SHLD3: variants seen among roughly 807,000 people sequenced by gnomAD.
The protein encoded by SHLD3 is shieldin complex subunit 3, also known as REV7-interacting novel NHEJ regulator 1.
Under a neutral mutation model 21.4 loss-of-function variants are expected in SHLD3, and 15 were observed. That is an observed-to-expected ratio of 0.70 (90% CI 0.47 to 1.08). SHLD3 has a LOEUF of 1.08. SHLD3 is among the 50% of genes least tolerant of loss of function. SHLD3 has a pLI of 0.00. For synonymous variants in SHLD3, 103 were observed against 97.2 expected (o/e 1.06, Z -0.35); for missense variants, 273 against 286.1 (o/e 0.95, Z 0.33).
In SHLD3 at chr5:65,630,608, A is replaced by G. The variant is rs1005818546; in HGVS notation, c.*268A>G. 5 of 1,082,936 alleles carry G rather than the reference A, an allele frequency of 4.6e-6. No homozygotes were observed. In the African/African-American group the frequency reaches 6.6e-5, roughly 14 times the overall value. The allele number at this position is 1,082,936 out of a possible 1,614,324, so 67.1% of individuals were successfully genotyped here. A position where few individuals can be genotyped will look rare whatever the true frequency, so the allele number is the denominator to read the frequency against. On this transcript the variant is annotated 3_prime_UTR_variant, in exon 2 of 2. Coordinates refer to ENST00000510585, the MANE Select transcript of SHLD3 (RefSeq NM_001365341.2). ...GAATTAGTCATGAATTAAGTTGTAT[A>G]GTTTGGATTTTGGTTAATCTCTAAA... is the stretch of plus-strand genomic sequence containing the variant.
chr5:65,625,053 C>G lies in SHLD3; in HGVS notation c.-174C>G, dbSNP rs747080394. 13 of 1,613,114 alleles carry G rather than the reference C, an allele frequency of 8.1e-6. No homozygotes were observed. In the Admixed American group the frequency reaches 1.7e-4, roughly 21 times the overall value. The stretch of plus-strand genomic sequence containing the variant: ...CCCGTAGGCTGTGGGTCAAAAGTGC[C>G]GGTCAAAATGGAAGTGAATCCCCCT... On this transcript the variant is annotated 5_prime_UTR_variant, in exon 1 of 2. Transcript: ENST00000510585.
intron 1 of SHLD3, chr5:65,626,219 AAT>A (rs1755221576): frequency 6.6e-6 from 1 of 152,216 alleles, no homozygotes; most frequent in Admixed American, 6.5e-5. Flanking sequence ...ATGTGGAGTA[AAT>A]ATTAATTCTC....
intron 1 of SHLD3, chr5:65,625,415 T>C: frequency 2.7e-6 from 1 of 374,826 alleles, no homozygotes. Flanking sequence ...ACAGCGGGCA[T>C]CCAAAGTGCT....
intron 1 of SHLD3, among the ~76,000 whole-genome samples, chr5:65,628,335 G>A (rs930650373): frequency 2.6e-5 from 4 of 152,098 alleles, no homozygotes; most frequent in African/African-American, 9.7e-5. Flanking sequence ...CACAAAACTG[G>A]TTCTTAGCCT....
Position 65,629,876 on chromosome 5 carries a change from T to A in SHLD3, c.289T>A (p.Leu97Met), listed in dbSNP as rs1400023198. ...TVDLLEFQPSLKKQHLTWSHT... is the reference protein window; with the variant it reads ...TVDLLEFQPSMKKQHLTWSHT... ...AGATCTATTGGAGTTTCAACCTAGC[T>A]TGAAAAAGCAGCATTTAACCTGGTC... Residue 97 changes from leucine to methionine, a missense_variant, in exon 2 of 2, where the codon TTG becomes ATG. Coordinates refer to ENST00000510585, the MANE Select transcript of SHLD3 (RefSeq NM_001365341.2). 2.6e-6 allele frequency: 4 copies of A among 1,535,952 alleles called. No individual in the cohort carries two copies. In the African/African-American group the frequency reaches 5.5e-5, roughly 21 times the overall value.
chr5:65,625,116 T>G lies in SHLD3; in HGVS notation c.-121+10T>G. On this transcript the variant is annotated intron_variant, in intron 1 of 1. Coordinates refer to ENST00000510585, the MANE Select transcript of SHLD3 (RefSeq NM_001365341.2). Reference sequence around the variant, plus strand: ...CTGCTGGCGCTAAAAGGTAAACTTTTGCGAACCTGATTCCCCCTTTTCTGT... The same window carrying G: ...CTGCTGGCGCTAAAAGGTAAACTTTGGCGAACCTGATTCCCCCTTTTCTGT... 2.5e-6 allele frequency: 4 copies of G among 1,611,796 alleles called. No individual in the cohort carries two copies. Among genetic ancestry groups the G allele is most frequent in the Admixed American group, 1.7e-5 (1 of 60,018 alleles).
At position 65,629,661 on chromosome 5, in the gene SHLD3, A is replaced by G; in HGVS notation, c.74A>G (p.Lys25Arg). The G allele has an allele frequency of 1.3e-6, 2 of 1,536,052 alleles. No individual in the cohort carries two copies. The highest frequency in any genetic ancestry group is 1.7e-6 in the Non-Finnish European group (2 of 1,146,874). The change falls in exon 2 of 2, where the codon AAA (lysine) becomes AGA (arginine). Residue 25 changes from lysine to arginine, a missense_variant. Lys to Arg is a conservative substitution (Grantham distance 26). Coordinates refer to ENST00000510585, the MANE Select transcript of SHLD3 (RefSeq NM_001365341.2). ...DPTQLPKIAE[K>R]AIQDFPTRPL... ...ACACAACTGCCAAAAATTGCAGAAA[A>G]AGCAATTCAAGACTTTCCTACTCGT...
intron 1 of SHLD3, among the ~76,000 whole-genome samples, chr5:65,628,854 T>C (rs1050409978): frequency 6.6e-6 from 1 of 151,998 alleles, no homozygotes; most frequent in South Asian, 2.1e-4. Flanking sequence ...GATGAAGTCT[T>C]GCTCTATCGC....
rs1475177775 is a variant in SHLD3, at chr5:65,630,183, C to T, written c.596C>T (p.Ser199Phe). The T allele has an allele frequency of 6.5e-7, 1 of 1,535,858 alleles. No homozygotes were observed. Among genetic ancestry groups the T allele is most frequent in the Non-Finnish European group, 8.7e-7 (1 of 1,146,850 alleles). The change falls in exon 2 of 2, where the codon TCT (serine) becomes TTT (phenylalanine). Residue 199 changes from serine to phenylalanine, a missense_variant. Physicochemically the swap from Ser to Phe is radical, Grantham distance 155. Coordinates refer to ENST00000510585, the MANE Select transcript of SHLD3 (RefSeq NM_001365341.2). ...NQIIRHNELP[S>F]CNATIQRHLG... ...ATTATTAGGCACAATGAACTTCCAT[C>T]TTGTAATGCTACAATTCAGAGGCAT...
chr5:65,630,181 A>T lies in SHLD3; in HGVS notation c.594A>T (p.Pro198=), dbSNP rs1755469454. 6.5e-7 allele frequency: 1 copy of T among 1,535,934 alleles called. No individual in the cohort carries two copies. The highest frequency in any genetic ancestry group is 8.7e-7 in the Non-Finnish European group (1 of 1,146,870). The change falls in exon 2 of 2, where the codon CCA becomes CCT. Residue 198 remains proline (P), a synonymous_variant. Transcript: ENST00000510585. The stretch of plus-strand genomic sequence containing the variant: ...AAATTATTAGGCACAATGAACTTCC[A>T]TCTTGTAATGCTACAATTCAGAGGC... ...LNQIIRHNEL[P]SCNATIQRHL... is the part of the protein sequence containing the mutation.
chr5:65,628,994 G>T (rs981443253), intron 1 of SHLD3, among the ~76,000 whole-genome samples: 1 of 151,600 alleles, frequency 6.6e-6, no homozygotes, highest in Admixed American at 6.6e-5. Flanking sequence ...ATTTTTTTTT[G>T]TATTTTGAGT....
chr5:65,630,570 A>G lies in SHLD3; in HGVS notation c.*230A>G. The G allele has an allele frequency of 5.9e-6, 7 of 1,180,192 alleles. No individual in the cohort carries two copies. In the South Asian group the frequency reaches 2.0e-4, roughly 33 times the overall value. 73.1% of individuals were successfully genotyped at this position (1,180,192 alleles called of 1,614,324 possible). A position where few individuals can be genotyped will look rare whatever the true frequency, so the allele number is the denominator to read the frequency against. On this transcript the variant is annotated 3_prime_UTR_variant, in exon 2 of 2. Coordinates refer to ENST00000510585, the MANE Select transcript of SHLD3 (RefSeq NM_001365341.2). ...GTAAAAATGTTCTGTTCCTTTTGTT[A>G]CAAACTGTGATTGAATTAGTCATGA... is the stretch of plus-strand genomic sequence containing the variant.
At chr5:65,625,880 C>T (rs1317792860) in intron 1 of SHLD3, 4 of 152,212 alleles carry the variant, frequency 2.6e-5, no homozygotes, top group Admixed American at 2.6e-4. Flanking sequence ...TGAGGAAATG[C>T]TCAATAAACA....
rs1353350010 is a variant in SHLD3 at position 65,630,563 on chromosome 5, T to C, written c.*223T>C. 1 of 1,199,216 alleles carries C rather than the reference T, an allele frequency of 8.3e-7. No individual in the cohort carries two copies. The highest frequency in any genetic ancestry group is 1.0e-6 in the Non-Finnish European group (1 of 966,450). The allele number at this position is 1,199,216 out of a possible 1,614,324, so 74.3% of individuals were successfully genotyped here. ...TTTGAAGGTAAAAATGTTCTGTTCC[T>C]TTTGTTACAAACTGTGATTGAATTA... On this transcript the variant is annotated 3_prime_UTR_variant, in exon 2 of 2. Coordinates refer to ENST00000510585, the MANE Select transcript of SHLD3 (RefSeq NM_001365341.2).
chr5:65,627,465 A>T (rs1453914677), intron 1 of SHLD3, among the ~76,000 whole-genome samples: 2 of 152,000 alleles, frequency 1.3e-5, no homozygotes, highest in Admixed American at 1.3e-4. Flanking sequence ...CCCCGTCTCT[A>T]CTGAAAATAC....
intron 1 of SHLD3, among the ~76,000 whole-genome samples, chr5:65,627,379 T>A (rs779986577): frequency 6.6e-6 from 1 of 152,054 alleles, no homozygotes; most frequent in Admixed American, 6.6e-5. Context: ...GATAATATCT[T>A]GTTATTCTTG....
At position 65,625,051 on chromosome 5, in the gene SHLD3, G is replaced by C; in HGVS notation, c.-176G>C. ...CCCCCGTAGGCTGTGGGTCAAAAGT[G>C]CCGGTCAAAATGGAAGTGAATCCCC... is the stretch of plus-strand genomic sequence containing the variant. On this transcript the variant is annotated 5_prime_UTR_variant, in exon 1 of 2. Coordinates refer to ENST00000510585, the MANE Select transcript of SHLD3 (RefSeq NM_001365341.2). The C allele has an allele frequency of 6.2e-7, 1 of 1,613,344 alleles. No homozygotes were observed. Among genetic ancestry groups the C allele is most frequent in the South Asian group, 1.1e-5 (1 of 91,016 alleles).
intron 1 of SHLD3, among the ~76,000 whole-genome samples, chr5:65,627,003 G>A (rs1755265759): frequency 6.6e-6 from 1 of 151,500 alleles, no homozygotes; most frequent in African/African-American, 2.4e-5. Flanking sequence ...AGCCAGGTGT[G>A]GTGGTGTAAT....
At position 65,630,188 on chromosome 5, in the gene SHLD3, A is replaced by G. The variant is rs1200254192; in HGVS notation, c.601A>G (p.Asn201Asp). 6.5e-7 allele frequency: 1 copy of G among 1,535,904 alleles called. No individual in the cohort carries two copies. The highest frequency in any genetic ancestry group is 8.7e-7 in the Non-Finnish European group (1 of 1,146,852). Residue 201 changes from asparagine to aspartate, a missense_variant, in exon 2 of 2, where the codon AAT (asparagine) becomes GAT (aspartate). By Grantham distance (23) the Asn-to-Asp change is conservative. Coordinates refer to ENST00000510585, the MANE Select transcript of SHLD3 (RefSeq NM_001365341.2). ...IIRHNELPSCNATIQRHLGQI... is the reference protein window; with the variant it reads ...IIRHNELPSCDATIQRHLGQI... ...TAGGCACAATGAACTTCCATCTTGT[A>G]ATGCTACAATTCAGAGGCATTTAGG...
Sources: gnomAD v4.1 joint callset for allele counts (sites outside exome capture counted in the v4.1 genomes callset) on GRCh38, gnomAD v4.1.1 for gene constraint, MANE v1.5 for transcripts, NCBI Gene and HGNC (gene_info 2026-07-23, HGNC 2026-07-21) for gene names.